Variants in SCNN1B observed in about 807,000 individuals in gnomAD.
The protein encoded by SCNN1B is sodium channel epithelial 1 subunit beta, also known as epithelial sodium channel subunit beta.
In SCNN1B, 46 loss-of-function variants were observed where a neutral mutation model predicts 65.3. The ratio of observed to expected loss-of-function variants is 0.70; its 90% confidence interval spans 0.56 to 0.90. The LOEUF (loss-of-function observed/expected upper bound fraction) is 0.90. SCNN1B is among the 40% of genes least tolerant of loss of function. The pLI, the probability that SCNN1B is intolerant of heterozygous loss-of-function variation, is 0.00. For synonymous variants in SCNN1B, 349 were observed against 330.6 expected, an observed-to-expected ratio of 1.06 and a Z score of -0.60; for missense variants, 751 against 830.5, an observed-to-expected ratio of 0.90 and a Z score of 1.18.
At chr16:23,341,126 T>C (rs1022247581) in intron 1 of SCNN1B, among the ~76,000 whole-genome samples, 1 of 152,214 alleles carries the variant, frequency 6.6e-6, no homozygotes, top group Admixed American at 6.5e-5. Context: ...TTCTAATCTA[T>C]GAGCATGGTA....
intron 1 of SCNN1B, among the ~76,000 whole-genome samples, chr16:23,313,898 T>G (rs1017914736): frequency 6.6e-6 from 1 of 152,172 alleles, no homozygotes; most frequent in African/African-American, 2.4e-5. Flanking sequence ...ACATGAGCCA[T>G]GCACCCGGCC....
chr16:23,313,956 C>T (rs1961398200), intron 1 of SCNN1B, among the ~76,000 whole-genome samples: 1 of 152,086 alleles, frequency 6.6e-6, no homozygotes, highest in African/African-American at 2.4e-5. Flanking sequence ...TGCATTCTTT[C>T]ATTGAATTCT....
intron 1 of SCNN1B, 84 bp downstream of exon 1, chr16:23,302,521 C>G (rs1961106008): frequency 6.6e-6 from 1 of 152,526 alleles, no homozygotes; most frequent in Non-Finnish European, 1.5e-5. Context: ...TGCCCAACCC[C>G]GGCCCGCGAG....
chr16:23,339,541 C>T (rs1289006088), intron 1 of SCNN1B, among the ~76,000 whole-genome samples: 1 of 151,694 alleles, frequency 6.6e-6, no homozygotes, highest in Non-Finnish European at 1.5e-5. Context: ...AACCACTGCA[C>T]CTGGCATCCT....
Position 23,353,282 on chromosome 16 carries a change from T to C in SCNN1B, c.585+208T>C, listed in dbSNP as rs1962350592. On this transcript the variant is annotated intron_variant, in intron 3 of 12. Transcript: ENST00000343070. ...TTGGTATAAGTGATCCAGCTCACAC[T>C]AGCTTAAGCAAAACAGGCGATTCAT... 3 of 611,482 alleles carry C rather than the reference T, an allele frequency of 4.9e-6. No individual in the cohort carries two copies. In the Admixed American group the frequency reaches 8.6e-5, roughly 18 times the overall value. The allele number at this position is 611,482 out of a possible 1,614,324, so 37.9% of individuals were successfully genotyped here. A position where few individuals can be genotyped will look rare whatever the true frequency, so the allele number is the denominator to read the frequency against.
intron 4 of SCNN1B, among the ~76,000 whole-genome samples, chr16:23,360,451 A>C (rs1962524464): frequency 6.6e-6 from 1 of 152,008 alleles, no homozygotes; most frequent in African/African-American, 2.4e-5. Flanking sequence ...CTGGAGGCTG[A>C]GGGGGAAGGA....
intron 1 of SCNN1B, among the ~76,000 whole-genome samples, chr16:23,317,618 G>A (rs1180922895): frequency 6.6e-6 from 1 of 152,178 alleles, no homozygotes. Flanking sequence ...AGCTCTCAGG[G>A]AAAACTCCTT....
chr16:23,314,313 C>G (rs1016722313), intron 1 of SCNN1B, among the ~76,000 whole-genome samples: 3 of 152,164 alleles, frequency 2.0e-5, no homozygotes, highest in African/African-American at 4.8e-5. Flanking sequence ...CAGGCGTGAA[C>G]TGCCACGCCC....
intron 1 of SCNN1B, among the ~76,000 whole-genome samples, chr16:23,341,976 C>T (rs557658085): frequency 6.6e-6 from 1 of 152,234 alleles, no homozygotes; most frequent in South Asian, 2.1e-4. Context: ...GAGTTCGAGA[C>T]CACTCCTGGA....
intron 2 of SCNN1B, among the ~76,000 whole-genome samples, chr16:23,286,924 C>G (rs1433608191): frequency 2.0e-5 from 3 of 151,778 alleles, no homozygotes; most frequent in Non-Finnish European, 4.4e-5. Context: ...GAGCCCGTCT[C>G]TATTAAAAGT....
rs886051815 is a variant in SCNN1B, at chr16:23,377,401, G to A, written c.1404+15G>A. 6.2e-7 allele frequency: 1 copy of A among 1,613,522 alleles called. No individual in the cohort carries two copies. Among genetic ancestry groups the A allele is most frequent in the Non-Finnish European group, 8.5e-7 (1 of 1,179,444 alleles). On this transcript the variant is annotated intron_variant, in intron 10 of 12. Coordinates refer to ENST00000343070, the MANE Select transcript of SCNN1B (RefSeq NM_000336.3). ...AGGCCTCCGAGGTGAGACAGTTGGG[G>A]GCCAAGCTCCTGGCTCCCACCTTTG...
At chr16:23,298,586 A>G (rs1370818008), upstream of SCNN1B, among the ~76,000 whole-genome samples, 1 of 152,224 alleles carries the variant, frequency 6.6e-6, no homozygotes, top group African/African-American at 2.4e-5. Context: ...GTGTTTGGCC[A>G]GTATTCAAAC....
At chr16:23,289,838 G>A (rs1329048608) in intron 2 of SCNN1B, among the ~76,000 whole-genome samples, 50 of 151,958 alleles carry the variant, frequency 3.3e-4, no homozygotes, top group Non-Finnish European at 2.1e-4. Flanking sequence ...ACCACGCCTG[G>A]TTAATTTTTG....
At chr16:23,305,565 T>C (rs1334732596) in intron 1 of SCNN1B, among the ~76,000 whole-genome samples, 1 of 54,196 alleles carries the variant, frequency 1.8e-5, no homozygotes, top group Non-Finnish European at 3.1e-5. Flanking sequence ...TATATATATA[T>C]ATATATATAT....
In SCNN1B at chr16:23,342,397, G is replaced by A. The variant is rs968088217; in HGVS notation, c.-8-6195G>A. On this transcript the variant is annotated intron_variant, in intron 1 of 12. Transcript: ENST00000343070. ...TGAGTAGCAGGGATTACAGGCACGT[G>A]CCACCACACCCGGCTAATTTTGTAT... 2.6e-5 allele frequency among the ~76,000 whole-genome samples: 4 copies of A among 152,194 alleles called. No homozygotes were observed. In the East Asian group the frequency reaches 7.7e-4, roughly 29 times the overall value.
At chr16:23,321,595 A>G (rs1228243682) in intron 1 of SCNN1B, among the ~76,000 whole-genome samples, 2 of 152,170 alleles carry the variant, frequency 1.3e-5, no homozygotes, top group African/African-American at 4.8e-5. Context: ...GACCTTGGGC[A>G]GCTGTCTATG....
intron 1 of SCNN1B, among the ~76,000 whole-genome samples, chr16:23,320,954 C>T (rs138170211): frequency 6.6e-6 from 1 of 152,352 alleles, no homozygotes; most frequent in African/African-American, 2.4e-5. Context: ...TCCCAGAGTC[C>T]TTGAACTTGA....
At position 23,319,434 on chromosome 16, in the gene SCNN1B, G is replaced by A. The variant is rs556851405; in HGVS notation, c.-9+16997G>A. ...AAGGCCGGTGTTTGATCCACCAGCT[G>A]TTTTTTGTGCAGCTTGTGAGTTAAG... On this transcript the variant is annotated intron_variant, in intron 1 of 12. Coordinates refer to ENST00000343070, the MANE Select transcript of SCNN1B (RefSeq NM_000336.3). Among the ~76,000 whole-genome samples, 16 of 152,090 alleles carry A rather than the reference G, an allele frequency of 1.1e-4. 1 individual carries two copies. In the South Asian group the frequency reaches 2.9e-3, roughly 28 times the overall value.
At chr16:23,373,280 G>A (rs952232629) in intron 7 of SCNN1B, among the ~76,000 whole-genome samples, 2 of 152,074 alleles carry the variant, frequency 1.3e-5, no homozygotes, top group African/African-American at 2.4e-5. Flanking sequence ...CACTGTCCCT[G>A]GCTAATTTCT....
Sources: allele counts gnomAD v4.1 joint callset (sites outside exome capture counted in the v4.1 genomes callset), GRCh38; gene constraint gnomAD v4.1.1; transcripts MANE v1.5; gene names NCBI Gene and HGNC (gene_info 2026-07-23, HGNC 2026-07-21).